Variants in JMJD1C observed in about 807,000 individuals in gnomAD.
JMJD1C encodes jumonji domain-containing protein 1C.
JMJD1C carries 31 observed loss-of-function variants against 245.3 expected under a neutral mutation model. That is an observed-to-expected ratio of 0.13 (90% CI 0.09 to 0.17). The LOEUF (loss-of-function observed/expected upper bound fraction) is 0.17, where lower values mean the gene tolerates loss of function less well. JMJD1C is among the 10% of genes least tolerant of loss of function. JMJD1C has a pLI of 1.00. For synonymous variants in JMJD1C, 1,057 were observed against 1,017.4 expected, an observed-to-expected ratio of 1.04 and a Z score of -0.74; for missense variants, 2,691 against 3,000.2, an observed-to-expected ratio of 0.90 and a Z score of 2.41.
chr10:63,305,489 T>G (rs549036697), intron 2 of JMJD1C, among the ~76,000 whole-genome samples: 1,666 of 145,180 alleles, frequency 0.011, 37 homozygotes, highest in East Asian at 0.045. Flanking sequence ...TCTCTCTCTC[T>G]CTCTCTGGAG....
At chr10:63,391,493 G>A (rs1438429642) in intron 1 of JMJD1C, among the ~76,000 whole-genome samples, 1 of 146,942 alleles carries the variant, frequency 6.8e-6, no homozygotes, top group African/African-American at 2.5e-5. Flanking sequence ...CTGGGCGACA[G>A]AGTGAGACTC....
chr10:63,308,190 C>T (rs1292957851), intron 2 of JMJD1C, among the ~76,000 whole-genome samples: 1 of 152,030 alleles, frequency 6.6e-6, no homozygotes, highest in Non-Finnish European at 1.5e-5. Flanking sequence ...TGACTGTATG[C>T]ATACTAATAT....
intron 1 of JMJD1C, among the ~76,000 whole-genome samples, chr10:63,400,188 C>T (rs879422670): frequency 6.6e-6 from 1 of 152,164 alleles, no homozygotes; most frequent in Non-Finnish European, 1.5e-5. Context: ...CAATCTTTTG[C>T]TACTCTAAAT....
chr10:63,516,422 A>T (rs1382758640), intron 1 of JMJD1C, among the ~76,000 whole-genome samples: 1 of 152,204 alleles, frequency 6.6e-6, no homozygotes. Flanking sequence ...TGTCATTATC[A>T]AATATTTCAG....
At chr10:63,398,570 T>A (rs919349246) in intron 1 of JMJD1C, among the ~76,000 whole-genome samples, 18 of 152,136 alleles carry the variant, frequency 1.2e-4, no homozygotes, top group Non-Finnish European at 2.6e-4. Context: ...ATTGTCTAAA[T>A]CTAGTAATTC....
chr10:63,517,471 G>A (rs775560771), intron 1 of JMJD1C, among the ~76,000 whole-genome samples: 2 of 152,146 alleles, frequency 1.3e-5, no homozygotes, highest in Non-Finnish European at 2.9e-5. Flanking sequence ...CCTATTACCG[G>A]TAGTAGAACT....
At chr10:63,215,755 G>A in intron 5 of JMJD1C, 59 bp from the exon 6 acceptor site, 1 of 1,194,938 alleles carries the variant, frequency 8.4e-7, no homozygotes. Flanking sequence ...TCAAATATTT[G>A]GTATAATTTC....
Position 63,209,186 on chromosome 10 carries a change from T to A in JMJD1C, c.2744A>T (p.Asp915Val), listed in dbSNP as rs770302374. The A allele has an allele frequency of 8.7e-6, 14 of 1,613,672 alleles. No individual in the cohort carries two copies. The African/African-American group carries it at 1.7e-4, about 20-fold the overall frequency. The change falls in exon 9 of 26, where the codon GAT becomes GTT. Residue 915 changes from aspartate (D) to valine (V), a missense_variant. Transcript: ENST00000399262. ...AATGTGACTAAGTAATCCAATACCA[T>A]CTGCTGAGGTCACAGGGGTGGGCTG... is the stretch of plus-strand genomic sequence containing the variant. ...LHQPTPVTSA[D>V]GIGLLSHIPV...
chr10:63,222,268 A>G, intron 3 of JMJD1C: 1 of 848,250 alleles, frequency 1.2e-6, no homozygotes, highest in Non-Finnish European at 2.1e-6. Flanking sequence ...TAACAGGGAG[A>G]GCTGTCGAGA....
chr10:63,410,039 A>G (rs757316498), intron 1 of JMJD1C, among the ~76,000 whole-genome samples: 2 of 152,202 alleles, frequency 1.3e-5, no homozygotes, highest in Non-Finnish European at 2.9e-5. Context: ...AAAAGATCAT[A>G]TAAGGAAGTG....
At position 63,167,995 on chromosome 10, in the gene JMJD1C, G is replaced by A. The variant is rs777870330; in HGVS notation, c.*50C>T. Reference sequence around the variant, plus strand: ...AGTGTGCATACATATCATCATTCAAGGTTAAGTAATCCCAGTTCAACAACC... The same window carrying A: ...AGTGTGCATACATATCATCATTCAAAGTTAAGTAATCCCAGTTCAACAACC... On this transcript the variant is annotated 3_prime_UTR_variant, in exon 26 of 26. Coordinates refer to ENST00000399262, the MANE Select transcript of JMJD1C (RefSeq NM_032776.3). The A allele has an allele frequency of 9.5e-7, 1 of 1,049,738 alleles. No homozygotes were observed. The highest frequency in any genetic ancestry group is 1.5e-6 in the Non-Finnish European group (1 of 667,890). 65.0% of individuals were successfully genotyped at this position (1,049,738 alleles called of 1,614,324 possible).
intron 1 of JMJD1C, among the ~76,000 whole-genome samples, chr10:63,387,629 A>AAATTT (rs1554915199): frequency 1.6e-4 from 6 of 37,868 alleles, no homozygotes; most frequent in East Asian, 2.0e-3. Context: ...GAAAAAAAAA[A>AAATTT]TTTTTTTTTT....
At chr10:63,176,176 G>T in intron 24 of JMJD1C, 121 bp downstream of exon 24, 1 of 538,756 alleles carries the variant, frequency 1.9e-6, no homozygotes. Context: ...AAGGCAGACT[G>T]GTGCAGGTAA....
intron 2 of JMJD1C, among the ~76,000 whole-genome samples, chr10:63,333,319 C>A (rs907907333): frequency 6.6e-6 from 1 of 152,064 alleles, no homozygotes; most frequent in Non-Finnish European, 1.5e-5. Flanking sequence ...CTTAGGGAGG[C>A]CAAGGCAAGA....
chr10:63,469,500 G>A (rs192900058), upstream of JMJD1C, among the ~76,000 whole-genome samples: 25 of 152,218 alleles, frequency 1.6e-4, no homozygotes, highest in Admixed American at 3.3e-4. Flanking sequence ...CTTATTTACA[G>A]TTTACTCATA....
chr10:63,493,026 G>A (rs1447213967), intron 1 of JMJD1C, among the ~76,000 whole-genome samples: 1 of 152,006 alleles, frequency 6.6e-6, no homozygotes, highest in Admixed American at 6.6e-5. Flanking sequence ...ATAGAAGGAT[G>A]ATTTTCAATT....
intron 2 of JMJD1C, among the ~76,000 whole-genome samples, chr10:63,322,065 C>G (rs917809603): frequency 3.3e-5 from 5 of 152,200 alleles, no homozygotes; most frequent in Admixed American, 1.3e-4. Context: ...ATCTTCTCAT[C>G]TGAGTATATT....
At chr10:63,425,955 G>C (rs1950415735) in intron 1 of JMJD1C, among the ~76,000 whole-genome samples, 2 of 152,064 alleles carry the variant, frequency 1.3e-5, no homozygotes, top group African/African-American at 4.8e-5. Context: ...TGTAAGTTAG[G>C]GAAAACACAT....
chr10:63,217,750 A>C (rs1848162798), intron 4 of JMJD1C: 1 of 143,136 alleles, frequency 7.0e-6, no homozygotes, highest in Non-Finnish European at 1.6e-5. Context: ...CCAAAACTTT[A>C]CCATAAACAA....
Sources: allele counts gnomAD v4.1 joint callset (sites outside exome capture counted in the v4.1 genomes callset), GRCh38; gene constraint gnomAD v4.1.1; transcripts MANE v1.5; gene names NCBI Gene and HGNC (gene_info 2026-07-23, HGNC 2026-07-21).